Variants in LARS2 observed in about 807,000 individuals in gnomAD.
LARS2 encodes the protein leucine--tRNA ligase, mitochondrial.
LARS2 carries 81 observed loss-of-function variants against 116.6 expected under a neutral mutation model. The ratio of observed to expected loss-of-function variants is 0.69; its 90% confidence interval spans 0.58 to 0.84. The LOEUF (loss-of-function observed/expected upper bound fraction) is 0.84, where lower values mean the gene tolerates loss of function less well. Among genes scored for constraint, LARS2 ranks in the 40% least tolerant of loss-of-function variants. The pLI is 0.00. For synonymous variants in LARS2, 396 were observed against 407.2 expected (o/e 0.97, Z 0.33); for missense variants, 968 against 1,114.5 (o/e 0.87, Z 1.87).
At chr3:45,537,379 G>C (rs981965439) in intron 20 of LARS2, among the ~76,000 whole-genome samples, 1 of 152,128 alleles carries the variant, frequency 6.6e-6, no homozygotes, top group Non-Finnish European at 1.5e-5. Flanking sequence ...TATAAAAAGT[G>C]GTTGTGAAAT....
Position 45,496,277 on chromosome 3 carries a change from G to A in LARS2, c.1526G>A (p.Cys509Tyr), listed in dbSNP as rs745738153. The change falls in exon 14 of 22, where the codon TGC (cysteine) becomes TAC (tyrosine). Residue 509 changes from cysteine to tyrosine, a missense_variant and splice_region_variant. Cys to Tyr is a radical substitution (Grantham distance 194, BLOSUM62 -2). Transcript: ENST00000645846. ...GATGAATTTCATTTCTTTCTTAGGT[G>A]CAAGGGAGCAGCCAAGAGAGAGACA... ...SEWVNCSCPRCKGAAKRETDT... is the reference protein window; with the variant it reads ...SEWVNCSCPRYKGAAKRETDT... 1 of 1,612,184 alleles carries A rather than the reference G, an allele frequency of 6.2e-7. No homozygotes were observed. Among genetic ancestry groups the A allele is most frequent in the Non-Finnish European group, 8.5e-7 (1 of 1,178,188 alleles).
intron 6 of LARS2, among the ~76,000 whole-genome samples, chr3:45,429,786 C>G (rs1185963126): frequency 7.0e-6 from 1 of 141,918 alleles, no homozygotes; most frequent in African/African-American, 2.6e-5. Flanking sequence ...ACTACAACTG[C>G]TGCTTCCTGG....
chr3:45,458,801 A>G lies in LARS2; in HGVS notation c.665A>G (p.Glu222Gly), dbSNP rs201361130. 416 of 1,614,172 alleles carry G rather than the reference A, an allele frequency of 2.6e-4. 2 individuals carry two copies. Among genetic ancestry groups the G allele is most frequent in the Non-Finnish European group, 1.9e-5 (23 of 1,179,980 alleles). The change falls in exon 8 of 22, where the codon GAA (glutamate) becomes GGA (glycine). Residue 222 changes from glutamate (E) to glycine (G), a missense_variant. Coordinates refer to ENST00000645846, the MANE Select transcript of LARS2 (RefSeq NM_015340.4). Reference sequence around the variant, plus strand: ...GTGCTTGCCAATGAGCAGGTGGATGAACATGGCTGTTCATGGCGTTCTGGA... The same window carrying G: ...GTGCTTGCCAATGAGCAGGTGGATGGACATGGCTGTTCATGGCGTTCTGGA... ...QTVLANEQVD[E>G]HGCSWRSGAK...
At chr3:45,543,549 A>G (rs942952516) in intron 21 of LARS2, among the ~76,000 whole-genome samples, 2 of 150,982 alleles carry the variant, frequency 1.3e-5, no homozygotes, top group African/African-American at 2.4e-5. Context: ...TTGGCTCACT[A>G]CAACCTCCAC....
intron 7 of LARS2, among the ~76,000 whole-genome samples, chr3:45,450,313 G>A (rs1238515132): frequency 2.0e-5 from 3 of 152,104 alleles, no homozygotes; most frequent in African/African-American, 7.2e-5. Context: ...TTTCCCTACT[G>A]TATTATCAAA....
intron 8 of LARS2, among the ~76,000 whole-genome samples, chr3:45,459,717 C>A (rs1699281663): frequency 6.6e-6 from 1 of 152,334 alleles, no homozygotes; most frequent in African/African-American, 2.4e-5. Flanking sequence ...GTTGAGGGGT[C>A]ACTCCCTGAA....
intron 19 of LARS2, among the ~76,000 whole-genome samples, chr3:45,522,730 A>T (rs1700473091): frequency 6.6e-6 from 1 of 151,530 alleles, no homozygotes; most frequent in African/African-American, 2.4e-5. Flanking sequence ...ACAGAGAGAG[A>T]CTCTGTCTCA....
intron 14 of LARS2, among the ~76,000 whole-genome samples, chr3:45,500,003 T>C (rs987998486): frequency 6.6e-6 from 1 of 152,116 alleles, no homozygotes; most frequent in African/African-American, 2.4e-5. Context: ...GTTTGTTTGT[T>C]TGTCTGTTTT....
intron 6 of LARS2, among the ~76,000 whole-genome samples, chr3:45,443,232 C>T (rs998316813): frequency 1.3e-5 from 2 of 152,112 alleles, no homozygotes; most frequent in African/African-American, 4.8e-5. Context: ...ATAGGCACTT[C>T]CCAGTGAAAA....
chr3:45,515,922 A>G (rs1324331677), intron 16 of LARS2, among the ~76,000 whole-genome samples, 172 bp from the exon 17 acceptor site: 1 of 152,214 alleles, frequency 6.6e-6, no homozygotes, highest in Non-Finnish European at 1.5e-5. Flanking sequence ...TTAAAAATAA[A>G]AATATTTTTA....
In LARS2 at chr3:45,488,973, T is replaced by C. The variant is rs149850920; in HGVS notation, c.1239+161T>C. On this transcript the variant is annotated intron_variant, in intron 12 of 21. Transcript: ENST00000645846. The stretch of plus-strand genomic sequence containing the variant: ...GAACAAAATAATATTCTTCAAGATC[T>C]AGAAGTTTGCCAATTGTAAATCAAA... 2.9e-3 allele frequency among the ~76,000 whole-genome samples: 435 copies of C among 152,378 alleles called. 7 individuals are homozygous for C. Among genetic ancestry groups the C allele is most frequent in the African/African-American group, 9.9e-3 (412 of 41,594 alleles).
chr3:45,500,361 T>C (rs1211242965), intron 14 of LARS2, 81 bp from the exon 15 acceptor site: 2 of 1,283,172 alleles, frequency 1.6e-6, no homozygotes, highest in Non-Finnish European at 1.1e-6. Flanking sequence ...TCAGGGCATA[T>C]GCATATTACA....
At position 45,548,904 on chromosome 3, in the gene LARS2, T is replaced by G. The variant is rs1700910451; in HGVS notation, c.*1374T>G. 1 of 152,188 alleles carries G rather than the reference T, an allele frequency of 6.6e-6. No homozygotes were observed. The highest frequency in any genetic ancestry group is 2.4e-5 in the African/African-American group (1 of 41,426). The allele number at this position is 152,188 out of a possible 1,614,324, so 9.4% of individuals were successfully genotyped here. A position where few individuals can be genotyped will look rare whatever the true frequency, so the allele number is the denominator to read the frequency against. On this transcript the variant is annotated 3_prime_UTR_variant, in exon 22 of 22. Coordinates refer to ENST00000645846, the MANE Select transcript of LARS2 (RefSeq NM_015340.4). ...ATTTCAGAGTTAATTACAAACAGAT[T>G]GAGGTATTCCATCATCATCGGAAGC...
intron 15 of LARS2, among the ~76,000 whole-genome samples, chr3:45,510,684 T>C (rs1311664533): frequency 6.6e-6 from 1 of 152,130 alleles, no homozygotes; most frequent in African/African-American, 2.4e-5. Flanking sequence ...AGGCAACATT[T>C]GAAAGAGCAG....
chr3:45,401,717 C>T (rs1216972186), intron 4 of LARS2, among the ~76,000 whole-genome samples: 1 of 152,112 alleles, frequency 6.6e-6, no homozygotes, highest in Non-Finnish European at 1.5e-5. Context: ...ACCTCCCAGG[C>T]TCAACTTCCG....
chr3:45,482,652 A>G (rs1202353034), intron 10 of LARS2, among the ~76,000 whole-genome samples: 1 of 152,230 alleles, frequency 6.6e-6, no homozygotes, highest in Admixed American at 6.5e-5. Context: ...TATTATATGA[A>G]AAGTCAAAGA....
intron 10 of LARS2, among the ~76,000 whole-genome samples, chr3:45,480,372 T>C (rs1278071002): frequency 6.6e-6 from 1 of 152,230 alleles, no homozygotes; most frequent in Non-Finnish European, 1.5e-5. Flanking sequence ...ACTGCCGCCT[T>C]GGTGAACACC....
At chr3:45,461,486 G>C (rs1436163151) in intron 8 of LARS2, among the ~76,000 whole-genome samples, 1 of 152,038 alleles carries the variant, frequency 6.6e-6, no homozygotes, top group Admixed American at 6.6e-5. Context: ...ATGTTTAGGG[G>C]CTAGATCAGG....
intron 15 of LARS2, among the ~76,000 whole-genome samples, chr3:45,506,609 C>T (rs1261330997): frequency 1.3e-5 from 2 of 152,036 alleles, no homozygotes; most frequent in East Asian, 3.9e-4. Flanking sequence ...TTCTGAGCCC[C>T]TCAGCCCTTG....
Sources: gnomAD v4.1 joint callset for allele counts (sites outside exome capture counted in the v4.1 genomes callset) on GRCh38, gnomAD v4.1.1 for gene constraint, MANE v1.5 for transcripts, NCBI Gene and HGNC (gene_info 2026-07-23, HGNC 2026-07-21) for gene names.